The following RBPJL variants were observed in gnomAD, a reference collection of about 807,000 sequenced individuals.
RBPJL encodes recombining binding protein suppressor of hairless-like protein.
A neutral mutation model predicts 57.6 loss-of-function variants in RBPJL; 50 were observed. The ratio of observed to expected loss-of-function variants is 0.87; its 90% CI spans 0.69 to 1.10. The LOEUF (loss-of-function observed/expected upper bound fraction) is 1.10, where lower values mean the gene tolerates loss of function less well. Ranked by LOEUF, RBPJL falls within the 50% of genes least tolerant of loss-of-function variation. The probability of loss-of-function intolerance (pLI) is 0.00; values close to 1 mark genes in which losing one functional copy is unlikely to be tolerated. For missense variants in RBPJL, 684 were observed against 693.7 expected, an observed-to-expected ratio of 0.99 and a Z score of 0.16; for synonymous variants, 303 against 294.4, an observed-to-expected ratio of 1.03 and a Z score of -0.30.
chr20:45,308,447 TTGG>T, intron 2 of RBPJL, 196 bp downstream of exon 2: 1 of 578,810 alleles, frequency 1.7e-6, no homozygotes, highest in Non-Finnish European at 3.1e-6. Flanking sequence ...CCTACCACGC[TTGG>T]AGCTGCAGAC....
rs779543021 is a variant in RBPJL, at chr20:45,316,275, C to G, written c.1109C>G (p.Ser370Cys). 1.3e-5 allele frequency: 21 copies of G among 1,614,246 alleles called. No homozygotes were observed. The highest frequency in any genetic ancestry group is 1.8e-5 in the Non-Finnish European group (21 of 1,180,034). Residue 370 changes from serine to cysteine, a missense_variant, in exon 10 of 12, where the codon TCC (serine) becomes TGC (cysteine). Ser to Cys is a moderately radical substitution (Grantham distance 112). Transcript: ENST00000343694. Reference sequence around the variant, plus strand: ...ATCGGCACCGAGTCGGTGGAATTTTCCTTCAGCACCAGCCTGGCGTGTACC... The same window carrying G: ...ATCGGCACCGAGTCGGTGGAATTTTGCTTCAGCACCAGCCTGGCGTGTACC... ...TIIGTESVEF[S>C]FSTSLACTLE...
At position 45,311,860 on chromosome 20, in the gene RBPJL, G is replaced by A; in HGVS notation, c.350G>A (p.Gly117Glu). 1 of 1,551,800 alleles carries A rather than the reference G, an allele frequency of 6.4e-7. No homozygotes were observed. The highest frequency in any genetic ancestry group is 8.7e-7 in the Non-Finnish European group (1 of 1,147,046). Residue 117 changes from glycine to glutamate, a missense_variant, in exon 5 of 12, where the codon GGG becomes GAG. Coordinates refer to ENST00000343694, the MANE Select transcript of RBPJL (RefSeq NM_014276.4). ...CCAGCTCACCAGGCGGGGGAAACGG[G>A]GCCCACGGTCTGCGGTTACATGGGA... ...QDQAHQAGETGPTVCGYMGLD... is the reference protein window; with the variant it reads ...QDQAHQAGETEPTVCGYMGLD...
Position 45,316,757 on chromosome 20 carries a change from C to T in RBPJL, c.1352C>T (p.Ala451Val). 2.5e-6 allele frequency: 4 copies of T among 1,613,770 alleles called. No homozygotes were observed. Among genetic ancestry groups the T allele is most frequent in the Non-Finnish European group, 2.5e-6 (3 of 1,179,816 alleles). ...TGCAGCGACTGGCGCTGGCTGCGCG[C>T]TCCCATCACAATCCCCATGAGCCTG... The part of the protein sequence containing the change: ...AFCSDWRWLR[A>V]PITIPMSLVR... Residue 451 changes from alanine (A) to valine (V), a missense_variant, in exon 12 of 12, where the codon GCT becomes GTT. Coordinates refer to ENST00000343694, the MANE Select transcript of RBPJL (RefSeq NM_014276.4).
rs556746412 is a variant in RBPJL, at chr20:45,311,749, C to T, written c.328+90C>T. The stretch of plus-strand genomic sequence containing the variant: ...AGACGGGGCGGTTCGCAGGCGCAGT[C>T]TCCCCGCGCCCTCTGGCGGCGAGCG... On this transcript the variant is annotated intron_variant, in intron 4 of 11. Coordinates refer to ENST00000343694, the MANE Select transcript of RBPJL (RefSeq NM_014276.4). 9.8e-4 allele frequency: 1,514 copies of T among 1,549,934 alleles called. 1 individual carries two copies. Among genetic ancestry groups the T allele is most frequent in the Non-Finnish European group, 1.2e-3 (1,359 of 1,132,480 alleles).
intron 2 of RBPJL, 68 bp downstream of exon 2, chr20:45,308,319 GC>G: frequency 9.2e-7 from 1 of 1,089,676 alleles, no homozygotes; most frequent in South Asian, 1.2e-5. Context: ...AGAGGCAACG[GC>G]CGCATTTAAC....
chr20:45,312,306 G>C lies in RBPJL; in HGVS notation c.530G>C (p.Gly177Ala), dbSNP rs749517552. Residue 177 changes from glycine to alanine, a missense_variant, in exon 6 of 12, where the codon GGG becomes GCG. Physicochemically the swap from Gly to Ala is moderately conservative, Grantham distance 60. Transcript: ENST00000343694. ...FRLVLRLVLR[G>A]GRELGTFHSR... is the part of the protein sequence containing the mutation. ...CTGGTGCTGCGGCTGGTGCTGCGCG[G>C]GGGCCGGGAGCTGGGTACCTTCCAC... The C allele has an allele frequency of 1.8e-5, 29 of 1,614,022 alleles. No individual in the cohort carries two copies. The highest frequency in any genetic ancestry group is 1.6e-4 in the Middle Eastern group (1 of 6,084).
At chr20:45,309,521 C>T in intron 2 of RBPJL, 46 bp from the exon 3 acceptor site, 1 of 1,577,392 alleles carries the variant, frequency 6.3e-7, no homozygotes, top group South Asian at 1.2e-5. Context: ...GCCACCTTGA[C>T]CCTTCTCCCT....
At chr20:45,307,186 A>T (rs1986788647) in intron 1 of RBPJL, among the ~76,000 whole-genome samples, 1 of 151,950 alleles carries the variant, frequency 6.6e-6, no homozygotes, top group African/African-American at 2.4e-5. Flanking sequence ...GCCGCGCCCC[A>T]TGCTGAAGCT....
intron 11 of RBPJL, 53 bp downstream of exon 11, chr20:45,316,633 G>T (rs1399387160): frequency 1.6e-5 from 25 of 1,526,334 alleles, no homozygotes; most frequent in African/African-American, 2.8e-5. Flanking sequence ...GGGGAAGGGG[G>T]TGCACGCGTC....
chr20:45,313,277 TCCCTCACCCTAA>T (rs1987281361), intron 6 of RBPJL, among the ~76,000 whole-genome samples, 179 bp from the exon 7 acceptor site: 3 of 150,298 alleles, frequency 2.0e-5, no homozygotes, highest in Admixed American at 6.6e-5. Context: ...CCTGACCCCC[TCCCTCACCCTAA>T]CCCTCACCCT....
At chr20:45,311,526 C>G (rs1006499443) in intron 3 of RBPJL, 63 bp from the exon 4 acceptor site, 7 of 1,499,984 alleles carry the variant, frequency 4.7e-6, no homozygotes, top group African/African-American at 4.1e-5. Flanking sequence ...ACTACCTTGC[C>G]GTGCTTACAG....
chr20:45,314,574 C>A lies in RBPJL; in HGVS notation c.1020+9C>A. ...AGGTGGTGCAATTTCAGGTAAGAAG[C>A]AGAGAATACCAGCACCAAGTGTCCT... is the stretch of plus-strand genomic sequence containing the variant. On this transcript the variant is annotated intron_variant, in intron 9 of 11. Coordinates refer to ENST00000343694, the MANE Select transcript of RBPJL (RefSeq NM_014276.4). The A allele has an allele frequency of 6.2e-7, 1 of 1,609,838 alleles. No individual in the cohort carries two copies. The highest frequency in any genetic ancestry group is 8.5e-7 in the Non-Finnish European group (1 of 1,176,860).
chr20:45,308,363 G>A, intron 2 of RBPJL, 112 bp downstream of exon 2: 1 of 604,210 alleles, frequency 1.7e-6, no homozygotes. Context: ...GGAAGTGCAG[G>A]CTGCAACCCC....
chr20:45,314,630 G>A, intron 9 of RBPJL, 65 bp downstream of exon 9: 1 of 1,502,182 alleles, frequency 6.7e-7, no homozygotes, highest in Non-Finnish European at 9.1e-7. Flanking sequence ...ACCACAGAAT[G>A]TAAGATCATC....
intron 5 of RBPJL, 94 bp downstream of exon 5, chr20:45,312,048 A>C: frequency 7.0e-7 from 1 of 1,425,748 alleles, no homozygotes; most frequent in Admixed American, 1.8e-5. Context: ...AAGCCAAGAG[A>C]TAGGTGGGGA....
chr20:45,313,348 AACCCTC>A (rs937322516), intron 6 of RBPJL, 114 bp from the exon 7 acceptor site: 4 of 667,576 alleles, frequency 6.0e-6, no homozygotes, highest in Non-Finnish European at 7.1e-6. Context: ...CCCTAATCCT[AACCCTC>A]ACCCTCACCC....
rs754804558 is a variant in RBPJL at position 45,314,600 on chromosome 20, G to A, written c.1020+35G>A. On this transcript the variant is annotated intron_variant, in intron 9 of 11. Coordinates refer to ENST00000343694, the MANE Select transcript of RBPJL (RefSeq NM_014276.4). Reference sequence around the variant, plus strand: ...AGAGAATACCAGCACCAAGTGTCCTGGAAAGGGAGAATGCAGAGAACCACA... The same window carrying A: ...AGAGAATACCAGCACCAAGTGTCCTAGAAAGGGAGAATGCAGAGAACCACA... 9 of 1,595,676 alleles carry A rather than the reference G, an allele frequency of 5.6e-6. No homozygotes were observed. The Middle Eastern group carries it at 6.6e-4, about 118-fold the overall frequency.
chr20:45,310,373 G>T (rs574019571), intron 3 of RBPJL, among the ~76,000 whole-genome samples: 1 of 151,990 alleles, frequency 6.6e-6, no homozygotes, highest in Non-Finnish European at 1.5e-5. Flanking sequence ...TTGGGAGGCC[G>T]AGGCGGGCGG....
intron 2 of RBPJL, 34 bp downstream of exon 2, chr20:45,308,285 G>A (rs774975601): frequency 7.0e-7 from 1 of 1,424,862 alleles, no homozygotes; most frequent in Non-Finnish European, 9.9e-7. Context: ...CCTAGGTGGG[G>A]ACTGCCAGGC....
Sources: gnomAD v4.1 joint callset for allele counts (sites outside exome capture counted in the v4.1 genomes callset) on GRCh38, gnomAD v4.1.1 for gene constraint, MANE v1.5 for transcripts, NCBI Gene and HGNC (gene_info 2026-07-23, HGNC 2026-07-21) for gene names.